Variants in ERCC6 observed in about 807,000 individuals in gnomAD.
ERCC6 encodes DNA excision repair protein ERCC-6.
A neutral mutation model predicts 158.7 loss-of-function variants in ERCC6; 116 were observed. The observed-to-expected ratio is 0.73, with a 90% CI of 0.63 to 0.85. ERCC6 has a LOEUF of 0.85. ERCC6 is among the 40% of genes least tolerant of loss of function. The pLI is 0.00. For missense variants in ERCC6, 1,698 were observed against 1,799.4 expected (o/e 0.94, Z 1.02); for synonymous variants, 678 against 659.3 (o/e 1.03, Z -0.43).
chr10:49,454,847 C>A lies in ERCC6; in HGVS notation c.*3968G>T, dbSNP rs867442242. Among the ~76,000 whole-genome samples, 2 of 152,028 alleles carry A rather than the reference C, an allele frequency of 1.3e-5. No individual in the cohort carries two copies. The highest frequency in any genetic ancestry group is 6.5e-5 in the Admixed American group (1 of 15,276). ...ACTAAGCAAAGTTAGATAAATGGAC[C>A]AATTTAACAGAATGCAGAGCCAAGA... On this transcript the variant is annotated 3_prime_UTR_variant, in exon 21 of 21. Coordinates refer to ENST00000355832, the MANE Select transcript of ERCC6 (RefSeq NM_000124.4).
chr10:49,522,759 C>G (rs377246446), intron 5 of ERCC6, among the ~76,000 whole-genome samples: 2 of 152,078 alleles, frequency 1.3e-5, no homozygotes, highest in Admixed American at 1.3e-4. Flanking sequence ...AGTCTGACAC[C>G]GCTCACTGTT....
At chr10:49,513,112 T>G (rs1325334861) in intron 5 of ERCC6, among the ~76,000 whole-genome samples, 2 of 152,222 alleles carry the variant, frequency 1.3e-5, no homozygotes, top group Non-Finnish European at 2.9e-5. Flanking sequence ...ACGGAGTGCC[T>G]GATGTATGCC....
chr10:49,537,879 T>C (rs1158730292), intron 1 of ERCC6, among the ~76,000 whole-genome samples: 1 of 152,214 alleles, frequency 6.6e-6, no homozygotes, highest in Non-Finnish European at 1.5e-5. Flanking sequence ...TATGCCATCA[T>C]GCCCGGCTAA....
chr10:49,513,404 G>C (rs1007265057), intron 5 of ERCC6, among the ~76,000 whole-genome samples: 4 of 152,114 alleles, frequency 2.6e-5, no homozygotes, highest in African/African-American at 9.7e-5. Flanking sequence ...ACTGGGTACT[G>C]GGCACTATTT....
At chr10:49,538,238 G>A (rs948361594) in intron 1 of ERCC6, among the ~76,000 whole-genome samples, 1 of 152,176 alleles carries the variant, frequency 6.6e-6, no homozygotes, top group African/African-American at 2.4e-5. Context: ...AGGGTTGGTC[G>A]GACACAGGCA....
At chr10:49,516,478 C>T (rs1462913547) in intron 5 of ERCC6, 25 of 1,614,062 alleles carry the variant, frequency 1.5e-5, no homozygotes, top group Non-Finnish European at 2.0e-5. Flanking sequence ...GCAGCACTAA[C>T]CAGTACATTA....
intron 8 of ERCC6, among the ~76,000 whole-genome samples, chr10:49,490,408 G>A (rs1851153267): frequency 6.8e-6 from 1 of 147,222 alleles, no homozygotes; most frequent in Non-Finnish European, 1.5e-5. Context: ...AGGCTAGAGT[G>A]CAGTGGCACA....
rs527832625 is a variant in ERCC6 at position 49,495,017 on chromosome 10, C to T, written c.1686-1765G>A. ...GGTGCAGTCAAATATCCTGATACGT[C>T]CTACACTGTATTCCCTGTCTGCATC... On this transcript the variant is annotated intron_variant, in intron 7 of 20. Transcript: ENST00000355832. Among the ~76,000 whole-genome samples, 502 of 152,250 alleles carry T rather than the reference C, an allele frequency of 3.3e-3. 3 individuals are homozygous for T. Among genetic ancestry groups the T allele is most frequent in the African/African-American group, 0.012 (478 of 41,540 alleles).
intron 11 of ERCC6, among the ~76,000 whole-genome samples, chr10:49,478,041 C>T (rs1367872091): frequency 6.6e-6 from 1 of 152,204 alleles, no homozygotes; most frequent in Non-Finnish European, 1.5e-5. Flanking sequence ...ACTGCTGTAT[C>T]TCAGAGCCTA....
chr10:49,483,271 C>T lies in ERCC6; in HGVS notation c.1992+75G>A, dbSNP rs879112614. 143 of 1,449,914 alleles carry T rather than the reference C, an allele frequency of 9.9e-5. 2 individuals are homozygous for T. The South Asian group carries it at 1.1e-3, about 11-fold the overall frequency. 89.8% of individuals were successfully genotyped at this position (1,449,914 alleles called of 1,614,324 possible). On this transcript the variant is annotated intron_variant, in intron 9 of 20. Coordinates refer to ENST00000355832, the MANE Select transcript of ERCC6 (RefSeq NM_000124.4). ...AAGGAAAGATTCAATAAATGTGTTA[C>T]TAAAAGCAGATAGTTTATTCTGAAT...
rs1337469642 is a variant in ERCC6 at position 49,532,887 on chromosome 10, A to G, written c.78T>C (p.Asn26=). Residue 26 remains asparagine (N), a synonymous_variant, in exon 2 of 21, where the codon AAT becomes AAC. Transcript: ENST00000355832. ...TTTCTTGCTTGATTGCCATTTCTTC[A>G]TTATTACTGACAGGTTGACTCTGTA... is the stretch of plus-strand genomic sequence containing the variant. ...DCLQSQPVSN[N]EEMAIKQESG... 1 of 1,614,208 alleles carries G rather than the reference A, an allele frequency of 6.2e-7. No individual in the cohort carries two copies. The highest frequency in any genetic ancestry group is 8.5e-7 in the Non-Finnish European group (1 of 1,180,044).
At chr10:49,492,567 T>A (rs553588506) in intron 8 of ERCC6, among the ~76,000 whole-genome samples, 1 of 152,288 alleles carries the variant, frequency 6.6e-6, no homozygotes, top group Admixed American at 6.5e-5. Flanking sequence ...AAAGCTCTTT[T>A]TTGATACTGT....
intron 18 of ERCC6, among the ~76,000 whole-genome samples, chr10:49,468,632 T>C (rs932458975): frequency 6.6e-6 from 1 of 152,216 alleles, no homozygotes; most frequent in Non-Finnish European, 1.5e-5. Context: ...TGTATGTGTA[T>C]ATGTATGTAC....
Position 49,482,815 on chromosome 10 carries a change from T to C in ERCC6, c.2041A>G (p.Asn681Asp). The change falls in exon 10 of 21, where the codon AAC becomes GAC. Residue 681 changes from asparagine (N) to aspartate (D), a missense_variant. Asn to Asp is a conservative substitution (Grantham distance 23). Transcript: ENST00000355832. ...AAGAGCGACCACAGCTCTCGGAGGT[T>C]ATTTTGCATCGGTGAGCCAGACAGA... is the stretch of plus-strand genomic sequence containing the variant. Reference protein sequence around the residue: ...IILSGSPMQNNLRELWSLFDF... With the variant: ...IILSGSPMQNDLRELWSLFDF... 1 of 1,614,134 alleles carries C rather than the reference T, an allele frequency of 6.2e-7. No homozygotes were observed. The highest frequency in any genetic ancestry group is 8.5e-7 in the Non-Finnish European group (1 of 1,180,006).
chr10:49,466,574 G>C (rs950442561), intron 18 of ERCC6, among the ~76,000 whole-genome samples: 6 of 152,152 alleles, frequency 3.9e-5, no homozygotes, highest in African/African-American at 1.4e-4. Context: ...CTACAATCAA[G>C]ACAATGAACA....
intron 5 of ERCC6, among the ~76,000 whole-genome samples, chr10:49,508,593 G>A (rs191016723): frequency 1.3e-5 from 2 of 152,306 alleles, no homozygotes; most frequent in East Asian, 1.9e-4. Flanking sequence ...TTGCCTGCAA[G>A]TATTTGTATC....
intron 4 of ERCC6, 171 bp from the exon 5 acceptor site, chr10:49,524,948 A>G (rs1359454819): frequency 6.2e-6 from 9 of 1,442,132 alleles, no homozygotes; most frequent in Non-Finnish European, 8.2e-6. Flanking sequence ...AAATTATAGC[A>G]TCATGCTATA....
intron 5 of ERCC6, chr10:49,515,417 T>C: frequency 6.2e-7 from 1 of 1,614,202 alleles, no homozygotes; most frequent in East Asian, 2.2e-5. Context: ...TCTTATGACA[T>C]TCAGCGCATC....
intron 5 of ERCC6, among the ~76,000 whole-genome samples, chr10:49,520,935 T>A (rs570517103): frequency 1.3e-5 from 2 of 152,310 alleles, no homozygotes; most frequent in South Asian, 4.1e-4. Flanking sequence ...CATTGTTAAT[T>A]TGGATAAGGG....
Sources: allele counts gnomAD v4.1 joint callset (sites outside exome capture counted in the v4.1 genomes callset), GRCh38; gene constraint gnomAD v4.1.1; transcripts MANE v1.5; gene names NCBI Gene and HGNC (gene_info 2026-07-23, HGNC 2026-07-21).